TBC1D14: variants seen among roughly 807,000 people sequenced by gnomAD.
TBC1D14 encodes TBC1 domain family member 14, also known as TBC1 domain family, member 14.
Under a neutral mutation model 79.0 loss-of-function variants are expected in TBC1D14, and 26 were observed. The ratio of observed to expected loss-of-function variants is 0.33; its 90% CI spans 0.24 to 0.46. TBC1D14 has a LOEUF of 0.46. TBC1D14 is among the 20% of genes least tolerant of loss of function. The pLI, the probability that TBC1D14 is intolerant of heterozygous loss-of-function variation, is 1.00. For synonymous variants in TBC1D14, 394 were observed against 349.9 expected, an observed-to-expected ratio of 1.13 and a Z score of -1.40; for missense variants, 769 against 887.6, an observed-to-expected ratio of 0.87 and a Z score of 1.70.
In TBC1D14 at chr4:7,005,029, G is replaced by A. The variant is rs746381582; in HGVS notation, c.1351+105G>A. ...CGTTAACTACAGTAGAGATTGTTGT[G>A]GAGTCATAAAAAGCTCCACGAGAAA... On this transcript the variant is annotated intron_variant, in intron 8 of 13. Transcript: ENST00000409757. 16 of 1,052,778 alleles carry A rather than the reference G, an allele frequency of 1.5e-5. 1 individual carries two copies. Among genetic ancestry groups the A allele is most frequent in the Non-Finnish European group, 2.1e-5 (15 of 706,742 alleles). The allele number at this position is 1,052,778 out of a possible 1,614,324, so 65.2% of individuals were successfully genotyped here. A position where few individuals can be genotyped will look rare whatever the true frequency, so the allele number is the denominator to read the frequency against.
chr4:7,007,672 A>G (rs1282652102), intron 9 of TBC1D14: 2 of 1,182,258 alleles, frequency 1.7e-6, no homozygotes, highest in South Asian at 2.6e-5. Flanking sequence ...CAGGCAGTTG[A>G]CTTAGCTGGG....
chr4:6,986,824 T>A (rs968000800), intron 3 of TBC1D14, among the ~76,000 whole-genome samples: 2 of 152,234 alleles, frequency 1.3e-5, no homozygotes, highest in Non-Finnish European at 2.9e-5. Context: ...TCTCTGAGTG[T>A]TTTGTGTGCT....
In TBC1D14 at chr4:7,002,658, T is replaced by C. The variant is rs528178137; in HGVS notation, c.1270+1407T>C. ...CAGGAAGCTGGGCCCTCACCTGCTGTGCTCTCTACCTTTTCACCCTTACCA... is the reference window on the plus strand; with the variant it reads ...CAGGAAGCTGGGCCCTCACCTGCTGCGCTCTCTACCTTTTCACCCTTACCA... On this transcript the variant is annotated intron_variant, in intron 7 of 13. Transcript: ENST00000409757. Among the ~76,000 whole-genome samples, 3 of 152,346 alleles carry C rather than the reference T, an allele frequency of 2.0e-5. No individual in the cohort carries two copies. The East Asian group carries it at 5.8e-4, about 29-fold the overall frequency.
At chr4:6,951,151 G>A (rs1398318203) in intron 2 of TBC1D14, among the ~76,000 whole-genome samples, 2 of 152,124 alleles carry the variant, frequency 1.3e-5, no homozygotes, top group East Asian at 1.9e-4. Context: ...AATTAGCCGC[G>A]TGTAGTGGCA....
At chr4:7,028,901 G>A (rs967221654) in intron 13 of TBC1D14, among the ~76,000 whole-genome samples, 1 of 151,788 alleles carries the variant, frequency 6.6e-6, no homozygotes, top group Admixed American at 6.6e-5. Flanking sequence ...GCAGTGGTGC[G>A]ATCACAGCTC....
chr4:6,947,649 G>A (rs1336146859), intron 2 of TBC1D14, among the ~76,000 whole-genome samples: 6 of 138,064 alleles, frequency 4.3e-5, no homozygotes, highest in Non-Finnish European at 7.8e-5. Context: ...GCAGCAGAGT[G>A]AGATTCCGTC....
At chr4:7,019,909 C>T (rs1721654477) in intron 12 of TBC1D14, among the ~76,000 whole-genome samples, 1 of 96,222 alleles carries the variant, frequency 1.0e-5, no homozygotes, top group Non-Finnish European at 2.2e-5. Context: ...GTATGTGAAC[C>T]CCGCTGGGCT....
intron 1 of TBC1D14, among the ~76,000 whole-genome samples, chr4:6,922,752 A>G (rs1577462181): frequency 6.6e-6 from 1 of 152,028 alleles, no homozygotes; most frequent in African/African-American, 2.4e-5. Context: ...AAAAAACCCA[A>G]CCGCCGCCCC....
At chr4:6,980,961 C>T (rs1352428115) in intron 3 of TBC1D14, among the ~76,000 whole-genome samples, 5 of 151,552 alleles carry the variant, frequency 3.3e-5, no homozygotes, top group Admixed American at 6.6e-5. Flanking sequence ...GTGATCCACC[C>T]GCCTTGGCCT....
At chr4:6,911,957 A>C (rs1723028847) in intron 1 of TBC1D14, among the ~76,000 whole-genome samples, 1 of 152,166 alleles carries the variant, frequency 6.6e-6, no homozygotes. Flanking sequence ...ACTTTAAAAA[A>C]ATTTTTTTTT....
intron 2 of TBC1D14, among the ~76,000 whole-genome samples, chr4:6,931,979 CGA>C (rs1303765312): frequency 6.6e-6 from 1 of 151,720 alleles, no homozygotes; most frequent in Non-Finnish European, 1.5e-5. Context: ...AGAGGTGGTA[CGA>C]GGTCCTGGGA....
At chr4:6,936,624 C>G (rs1347460468) in intron 2 of TBC1D14, among the ~76,000 whole-genome samples, 1 of 152,196 alleles carries the variant, frequency 6.6e-6, no homozygotes, top group African/African-American at 2.4e-5. Flanking sequence ...CATAAGTTTT[C>G]AGCTCCTTTG....
Position 7,030,234 on chromosome 4 carries a change from CCT to C in TBC1D14, c.2017-92_2017-91del, listed in dbSNP as rs1202196069. The C allele has an allele frequency of 1.7e-5, 21 of 1,218,496 alleles. No homozygotes were observed. In the Admixed American group the frequency reaches 3.4e-4, roughly 20 times the overall value. 75.5% of individuals were successfully genotyped at this position (1,218,496 alleles called of 1,614,324 possible). Reference sequence around the variant, plus strand: ...CAGTGGAAGTGGGGAGCCGGGGGACCCTGTTAGGAGGCTACTGCTGTCTCTGC... The same window carrying C: ...CAGTGGAAGTGGGGAGCCGGGGGACCGTTAGGAGGCTACTGCTGTCTCTGC... On this transcript the variant is annotated intron_variant, in intron 13 of 13. Coordinates refer to ENST00000409757, the MANE Select transcript of TBC1D14 (RefSeq NM_020773.3).
intron 1 of TBC1D14, among the ~76,000 whole-genome samples, chr4:6,921,195 G>T (rs913243518): frequency 1.3e-5 from 2 of 151,976 alleles, no homozygotes; most frequent in African/African-American, 4.8e-5. Flanking sequence ...TTAGGCCAGA[G>T]AACTTTATTT....
intron 2 of TBC1D14, among the ~76,000 whole-genome samples, chr4:6,925,282 CAAAA>C (rs1724202494): frequency 6.6e-6 from 1 of 152,020 alleles, no homozygotes; most frequent in Non-Finnish European, 1.5e-5. Flanking sequence ...AACAAACAAA[CAAAA>C]AAAGAATCGT....
rs34268749 is a variant in TBC1D14 at position 6,988,885 on chromosome 4, C to CTTTTTTTTT, written c.844-5284_844-5276dup. ...TTCTTTTTTCTTTCTTTCTTTCTTTCTTTTTTTTTTTTTTTTTTTTTTTGA... is the reference window on the plus strand; with the variant it reads ...TTCTTTTTTCTTTCTTTCTTTCTTTCTTTTTTTTTTTTTTTTTTTTTTTTTTTTTTTTGA... On this transcript the variant is annotated intron_variant, in intron 3 of 13. Coordinates refer to ENST00000409757, the MANE Select transcript of TBC1D14 (RefSeq NM_020773.3). Among the ~76,000 whole-genome samples, 426 of 76,798 alleles carry CTTTTTTTTT rather than the reference C, an allele frequency of 5.5e-3. 1 individual carries two copies. Among genetic ancestry groups the CTTTTTTTTT allele is most frequent in the Middle Eastern group, 0.022 (2 of 90 alleles). 50.4% of individuals were successfully genotyped at this position (76,798 alleles called of 152,430 possible).
At chr4:6,935,859 GT>G (rs1406094262) in intron 2 of TBC1D14, among the ~76,000 whole-genome samples, 6 of 152,104 alleles carry the variant, frequency 3.9e-5, no homozygotes, top group Non-Finnish European at 8.8e-5. Flanking sequence ...GGCCAGGCTG[GT>G]CTTGAATTCC....
At chr4:6,958,058 T>C (rs1182886120) in intron 2 of TBC1D14, among the ~76,000 whole-genome samples, 10 of 151,914 alleles carry the variant, frequency 6.6e-5, no homozygotes. Flanking sequence ...CCCTTTAGCC[T>C]GGGCCAGGCT....
intron 1 of TBC1D14, among the ~76,000 whole-genome samples, chr4:6,916,556 C>T (rs896876761): frequency 2.6e-5 from 4 of 152,096 alleles, no homozygotes; most frequent in Non-Finnish European, 5.9e-5. Context: ...TTTCCAAAGC[C>T]CCACGCAGAG....
Sources: gnomAD v4.1 joint callset for allele counts (sites outside exome capture counted in the v4.1 genomes callset) on GRCh38, gnomAD v4.1.1 for gene constraint, MANE v1.5 for transcripts, NCBI Gene and HGNC (gene_info 2026-07-23, HGNC 2026-07-21) for gene names.